The following ANKS1B variants were observed in gnomAD, a reference collection of about 807,000 sequenced individuals.
ANKS1B encodes the protein ankyrin repeat and sterile alpha motif domain-containing protein 1B.
A neutral mutation model predicts 148.3 loss-of-function variants in ANKS1B; 36 were observed. The ratio of observed to expected loss-of-function variants is 0.24; its 90% CI spans 0.19 to 0.32. The LOEUF (loss-of-function observed/expected upper bound fraction) is 0.32. Ranked by LOEUF, ANKS1B falls within the 10% of genes least tolerant of loss-of-function variation. The probability of loss-of-function intolerance (pLI) is 1.00; values close to 1 mark genes in which losing one functional copy is unlikely to be tolerated. For missense variants in ANKS1B, 1,157 were observed against 1,542.6 expected (o/e 0.75, Z 4.19); for synonymous variants, 542 against 560.8 (o/e 0.97, Z 0.47).
At chr12:99,409,150 T>A (rs1463972308) in intron 11 of ANKS1B, among the ~76,000 whole-genome samples, 2 of 152,190 alleles carry the variant, frequency 1.3e-5, no homozygotes, top group Non-Finnish European at 2.9e-5. Flanking sequence ...ATAAACACAA[T>A]GGCATACTAT....
At chr12:99,298,436 C>T (rs1390402456) in intron 12 of ANKS1B, among the ~76,000 whole-genome samples, 1 of 152,182 alleles carries the variant, frequency 6.6e-6, no homozygotes, top group Admixed American at 6.5e-5. Context: ...TAAGATGTAT[C>T]TTGCTTCCCC....
At chr12:99,046,824 A>AT (rs914364722) in intron 17 of ANKS1B, among the ~76,000 whole-genome samples, 1 of 151,160 alleles carries the variant, frequency 6.6e-6, no homozygotes, top group African/African-American at 2.4e-5. Context: ...AAAGAAAAAA[A>AT]AAAGAAAAAG....
At chr12:99,183,775 TC>T (rs2079435539) in intron 14 of ANKS1B, among the ~76,000 whole-genome samples, 1 of 152,146 alleles carries the variant, frequency 6.6e-6, no homozygotes, top group Non-Finnish European at 1.5e-5. Flanking sequence ...CTCATGAATC[TC>T]CAATAAGGGT....
intron 14 of ANKS1B, among the ~76,000 whole-genome samples, chr12:99,176,761 T>G (rs1321331283): frequency 1.3e-5 from 2 of 152,064 alleles, no homozygotes; most frequent in Non-Finnish European, 2.9e-5. Context: ...TATCTCTCTC[T>G]CGATCCCATT....
chr12:99,600,745 T>A (rs2097793934), intron 9 of ANKS1B, among the ~76,000 whole-genome samples: 1 of 152,054 alleles, frequency 6.6e-6, no homozygotes, highest in Non-Finnish European at 1.5e-5. Flanking sequence ...TTTCTTAATC[T>A]AATCTAAACT....
chr12:98,967,973 G>A (rs2099879983), intron 17 of ANKS1B, among the ~76,000 whole-genome samples: 1 of 152,086 alleles, frequency 6.6e-6, no homozygotes, highest in South Asian at 2.1e-4. Context: ...TATGGACTGG[G>A]ATTGGGGTGG....
chr12:99,303,955 T>C (rs1372085895), intron 12 of ANKS1B, among the ~76,000 whole-genome samples: 1 of 152,186 alleles, frequency 6.6e-6, no homozygotes, highest in African/African-American at 2.4e-5. Flanking sequence ...AGAATGCCAT[T>C]ATTTCATTCC....
At chr12:99,860,779 G>T (rs2089922944) in intron 1 of ANKS1B, among the ~76,000 whole-genome samples, 1 of 152,160 alleles carries the variant, frequency 6.6e-6, no homozygotes. Context: ...AGGCAGTCAT[G>T]ATGCTTGTTG....
intron 1 of ANKS1B, among the ~76,000 whole-genome samples, chr12:99,968,367 T>C (rs1443996915): frequency 6.6e-6 from 1 of 151,940 alleles, no homozygotes; most frequent in Non-Finnish European, 1.5e-5. Context: ...ACCATTTGGC[T>C]AACACAGTGA....
intron 17 of ANKS1B, among the ~76,000 whole-genome samples, chr12:98,888,017 T>G (rs2099744042): frequency 6.6e-6 from 1 of 152,228 alleles, no homozygotes; most frequent in Non-Finnish European, 1.5e-5. Context: ...TTGCACATAT[T>G]TATAGAAAGA....
At chr12:99,678,923 A>C (rs1357517671) in intron 8 of ANKS1B, among the ~76,000 whole-genome samples, 3 of 152,202 alleles carry the variant, frequency 2.0e-5, no homozygotes, top group Admixed American at 6.5e-5. Flanking sequence ...AGGACACACA[A>C]AAAAATGGGG....
chr12:98,810,000 C>G (rs367719879), intron 19 of ANKS1B, among the ~76,000 whole-genome samples: 1 of 152,174 alleles, frequency 6.6e-6, no homozygotes, highest in African/African-American at 2.4e-5. Context: ...CACCCCTATA[C>G]CTAAAGAATA....
rs182178931 is a variant in ANKS1B, at chr12:99,153,584, C to T, written c.2526+705G>A. 5.3e-5 allele frequency among the ~76,000 whole-genome samples: 8 copies of T among 152,300 alleles called. No homozygotes were observed. In the East Asian group the frequency reaches 1.5e-3, roughly 29 times the overall value. ...TATGCAAAACGGTGGAAAGTTAGCA[C>T]ATGCCAGGTTTAGATTGCATGTAGA... On this transcript the variant is annotated intron_variant, in intron 15 of 26. Coordinates refer to ENST00000683438, the MANE Select transcript of ANKS1B (RefSeq NM_001352186.2).
chr12:99,709,402 T>C (rs1322394946), intron 8 of ANKS1B, among the ~76,000 whole-genome samples: 1 of 152,136 alleles, frequency 6.6e-6, no homozygotes, highest in East Asian at 1.9e-4. Context: ...TGAAGGTGTG[T>C]GGGATGTTGA....
intron 15 of ANKS1B, among the ~76,000 whole-genome samples, chr12:99,128,479 C>G (rs2372733): frequency 0.61 from 93,480 of 152,002 alleles, 29,114 homozygotes; most frequent in East Asian, 0.75. Flanking sequence ...TTCATTATTT[C>G]CTATTAGAAT....
chr12:98,749,921 G>A (rs2098031152), intron 26 of ANKS1B, among the ~76,000 whole-genome samples: 1 of 152,142 alleles, frequency 6.6e-6, no homozygotes, highest in African/African-American at 2.4e-5. Context: ...TTTGCTCATG[G>A]GCTGGATACA....
Position 99,825,368 on chromosome 12 carries a change from C to T in ANKS1B, c.156G>A (p.Val52=). ...NLLSIWRGPN[V]NCTDSSGYTA... Reference sequence around the variant, plus strand: ...TGTAACCCGAACTGTCTGTGCAGTTCACATTGGGGCCTCGCCAGATGCTGC... The same window carrying T: ...TGTAACCCGAACTGTCTGTGCAGTTTACATTGGGGCCTCGCCAGATGCTGC... Residue 52 remains valine (V), a synonymous_variant, in exon 2 of 27, where the codon GTG becomes GTA. Coordinates refer to ENST00000683438, the MANE Select transcript of ANKS1B (RefSeq NM_001352186.2). 1 of 1,611,596 alleles carries T rather than the reference C, an allele frequency of 6.2e-7. No individual in the cohort carries two copies. The highest frequency in any genetic ancestry group is 8.5e-7 in the Non-Finnish European group (1 of 1,178,838).
chr12:98,924,620 G>C (rs1410248148), intron 17 of ANKS1B, among the ~76,000 whole-genome samples: 2 of 152,118 alleles, frequency 1.3e-5, no homozygotes, highest in East Asian at 1.9e-4. Context: ...AGGGACGTAA[G>C]TGTGGAACTG....
At chr12:99,405,702 T>C (rs1354666024) in intron 11 of ANKS1B, among the ~76,000 whole-genome samples, 4 of 143,360 alleles carry the variant, frequency 2.8e-5, no homozygotes, top group Non-Finnish European at 4.6e-5. Flanking sequence ...ATCAATAATA[T>C]TGAATAATTA....
Sources: gnomAD v4.1 joint callset for allele counts (sites outside exome capture counted in the v4.1 genomes callset) on GRCh38, gnomAD v4.1.1 for gene constraint, MANE v1.5 for transcripts, NCBI Gene and HGNC (gene_info 2026-07-23, HGNC 2026-07-21) for gene names.